SGCZ: variants seen among roughly 807,000 people sequenced by gnomAD.
SGCZ encodes zeta-sarcoglycan.
SGCZ carries 40 observed loss-of-function variants against 41.3 expected under a neutral mutation model. The ratio of observed to expected loss-of-function variants is 0.97; its 90% confidence interval spans 0.75 to 1.26. SGCZ has a LOEUF of 1.26. Among genes scored for constraint, SGCZ ranks in the 50% most tolerant of loss-of-function variants. The probability of loss-of-function intolerance (pLI) is 0.00; values close to 1 mark genes in which losing one functional copy is unlikely to be tolerated. For synonymous variants in SGCZ, 206 were observed against 137.5 expected (o/e 1.50, Z -3.49); for missense variants, 552 against 369.8 (o/e 1.49, Z -4.04).
intron 1 of SGCZ, among the ~76,000 whole-genome samples, chr8:14,666,844 T>A (rs1444677359): frequency 4.6e-5 from 7 of 152,100 alleles, no homozygotes; most frequent in Non-Finnish European, 8.8e-5. Flanking sequence ...GTAGTAACTC[T>A]CCAGCCTTAT....
intron 3 of SGCZ, chr8:14,319,395 T>C (rs1364679529): frequency 6.6e-6 from 1 of 151,942 alleles, no homozygotes; most frequent in Non-Finnish European, 1.5e-5. Flanking sequence ...CAGAAAAGCA[T>C]AAAGGCAACA....
chr8:14,988,107 A>T (rs562349131), intron 1 of SGCZ, among the ~76,000 whole-genome samples: 2 of 152,156 alleles, frequency 1.3e-5, no homozygotes, highest in African/African-American at 4.8e-5. Context: ...TGAAATGGTG[A>T]TTTAAAATAT....
chr8:15,143,263 C>A (rs1307685743), intron 1 of SGCZ, among the ~76,000 whole-genome samples: 2 of 152,250 alleles, frequency 1.3e-5, no homozygotes, highest in East Asian at 3.9e-4. Context: ...ATGAGAGGAA[C>A]CTTATATATC....
intron 1 of SGCZ, among the ~76,000 whole-genome samples, chr8:14,976,649 G>T (rs1563405276): frequency 6.6e-6 from 1 of 152,242 alleles, no homozygotes; most frequent in East Asian, 1.9e-4. Flanking sequence ...CCTAGCAAGA[G>T]AATATTTGTG....
intron 2 of SGCZ, among the ~76,000 whole-genome samples, chr8:14,546,898 C>T (rs887223858): frequency 1.3e-5 from 2 of 151,936 alleles, no homozygotes; most frequent in African/African-American, 4.8e-5. Context: ...TCAGTGTGAC[C>T]TTGGGAAGTT....
intron 1 of SGCZ, among the ~76,000 whole-genome samples, chr8:15,132,121 C>G (rs949888383): frequency 1.3e-5 from 2 of 152,180 alleles, no homozygotes; most frequent in African/African-American, 4.8e-5. Context: ...CAGTTAATTA[C>G]AAGTCATTGT....
intron 1 of SGCZ, among the ~76,000 whole-genome samples, chr8:14,737,142 G>GAT (rs34151172): frequency 3.5e-5 from 5 of 144,644 alleles, no homozygotes; most frequent in East Asian, 2.0e-4. Flanking sequence ...GGATATATAA[G>GAT]ATATATATAT....
At chr8:14,687,269 G>A (rs2117558858) in intron 1 of SGCZ, among the ~76,000 whole-genome samples, 1 of 150,624 alleles carries the variant, frequency 6.6e-6, no homozygotes, top group South Asian at 2.1e-4. Context: ...ATGTATACTT[G>A]TGCCATGTTG....
chr8:14,749,051 C>A (rs1047725103), intron 1 of SGCZ, among the ~76,000 whole-genome samples: 1 of 151,988 alleles, frequency 6.6e-6, no homozygotes, highest in African/African-American at 2.4e-5. Context: ...CATCCAATTT[C>A]TATCTAATGA....
chr8:14,889,737 G>T (rs1009133562), intron 1 of SGCZ, among the ~76,000 whole-genome samples: 10 of 151,594 alleles, frequency 6.6e-5, no homozygotes, highest in South Asian at 4.2e-4. Context: ...ACAAAATATA[G>T]ATATTTTGTG....
chr8:14,102,104 A>T (rs200448701), intron 7 of SGCZ, among the ~76,000 whole-genome samples: 1 of 76,312 alleles, frequency 1.3e-5, no homozygotes. Flanking sequence ...ATATATATAT[A>T]ATTTTTTTTT....
At chr8:14,654,790 A>G (rs1048820994) in intron 1 of SGCZ, among the ~76,000 whole-genome samples, 18 of 151,238 alleles carry the variant, frequency 1.2e-4, no homozygotes, top group Admixed American at 4.0e-4. Context: ...ATTTCCACAC[A>G]TGTAAAGGTC....
At chr8:14,789,979 T>C (rs1800896083) in intron 1 of SGCZ, among the ~76,000 whole-genome samples, 1 of 152,182 alleles carries the variant, frequency 6.6e-6, no homozygotes, top group Non-Finnish European at 1.5e-5. Flanking sequence ...TGTACATTGA[T>C]TAAATGTAAA....
chr8:14,619,266 A>G (rs1806205998), intron 1 of SGCZ, among the ~76,000 whole-genome samples: 1 of 152,146 alleles, frequency 6.6e-6, no homozygotes, highest in South Asian at 2.1e-4. Context: ...CTCTCAATAA[A>G]TTAGGTATTG....
Position 15,193,312 on chromosome 8 carries a change from T to C in SGCZ, c.39+44273A>G, listed in dbSNP as rs925859622. 8.5e-5 allele frequency among the ~76,000 whole-genome samples: 13 copies of C among 152,240 alleles called. 2 individuals are homozygous for C. In the Middle Eastern group the frequency reaches 0.014, roughly 159 times the overall value. On this transcript the variant is annotated intron_variant, in intron 1 of 7. Transcript: ENST00000382080. Reference sequence around the variant, plus strand: ...AATATAATCTTAGGCTAGCCAAGAATTCTAAAGCATTTAGGTACAAAACAT... The same window carrying C: ...AATATAATCTTAGGCTAGCCAAGAACTCTAAAGCATTTAGGTACAAAACAT...
intron 1 of SGCZ, among the ~76,000 whole-genome samples, chr8:14,761,625 C>A (rs570895203): frequency 6.6e-6 from 1 of 151,400 alleles, no homozygotes; most frequent in Admixed American, 6.6e-5. Context: ...TCTTACCTCC[C>A]GGATTCGAAC....
intron 1 of SGCZ, among the ~76,000 whole-genome samples, chr8:14,678,002 T>C (rs982325379): frequency 2.0e-5 from 3 of 152,020 alleles, no homozygotes; most frequent in Middle Eastern, 3.2e-3. Context: ...GACAAAACAA[T>C]TAATTTAGAC....
At chr8:14,237,990 C>A (rs1806829660) in intron 3 of SGCZ, among the ~76,000 whole-genome samples, 1 of 152,298 alleles carries the variant, frequency 6.6e-6, no homozygotes, top group South Asian at 2.1e-4. Flanking sequence ...GTCCTCTATG[C>A]CTGCCTGTGC....
rs117012285 is a variant in SGCZ at position 15,003,397 on chromosome 8, T to C, written c.39+234188A>G. ...TTAGAATGGACTAATACAGTAATCC[T>C]TTCACCTCCGGAATTGGCAACCCTT... is the stretch of plus-strand genomic sequence containing the variant. On this transcript the variant is annotated intron_variant, in intron 1 of 7. Transcript: ENST00000382080. 5.0e-4 allele frequency among the ~76,000 whole-genome samples: 76 copies of C among 152,248 alleles called. 1 individual carries two copies. The East Asian group carries it at 0.013, about 26-fold the overall frequency.
Sources: allele counts gnomAD v4.1 joint callset (sites outside exome capture counted in the v4.1 genomes callset), GRCh38; gene constraint gnomAD v4.1.1; transcripts MANE v1.5; gene names NCBI Gene and HGNC (gene_info 2026-07-23, HGNC 2026-07-21).